Variants in N4BP2 observed in about 807,000 individuals in gnomAD.
The protein encoded by N4BP2 is NEDD4 binding protein 2, also known as NEDD4-binding protein 2.
A neutral mutation model predicts 152.8 loss-of-function variants in N4BP2; 91 were observed. The observed-to-expected ratio is 0.60, with a 90% CI of 0.50 to 0.71. N4BP2 has a LOEUF of 0.71. N4BP2 is among the 30% of genes least tolerant of loss of function. The pLI is 0.00. For missense variants in N4BP2, 1,923 were observed against 2,059.1 expected, an observed-to-expected ratio of 0.93 and a Z score of 1.28; for synonymous variants, 646 against 705.3, an observed-to-expected ratio of 0.92 and a Z score of 1.33.
At chr4:40,113,605 T>C in intron 7 of N4BP2, 97 bp downstream of exon 7, 3 of 822,518 alleles carry the variant, frequency 3.6e-6, no homozygotes, top group African/African-American at 1.7e-5. Context: ...ATGAATTGAT[T>C]AGATTGTAAC....
At chr4:40,082,262 C>T (rs1344080164) in intron 2 of N4BP2, among the ~76,000 whole-genome samples, 1 of 117,474 alleles carries the variant, frequency 8.5e-6, no homozygotes, top group Admixed American at 1.2e-4. Context: ...GGCGACAGAG[C>T]GAGACCCTGT....
chr4:40,121,224 C>A lies in N4BP2; in HGVS notation c.3113C>A (p.Ser1038Tyr), dbSNP rs375832960. 3.1e-6 allele frequency: 5 copies of A among 1,613,676 alleles called. No homozygotes were observed. In the African/African-American group the frequency reaches 6.7e-5, roughly 22 times the overall value. The change falls in exon 9 of 18, where the codon TCT becomes TAT. Residue 1038 changes from serine (S) to tyrosine (Y), a missense_variant. Ser to Tyr is a moderately radical substitution (Grantham distance 144). Coordinates refer to ENST00000261435, the MANE Select transcript of N4BP2 (RefSeq NM_018177.6). ...IEKNKISISD[S>Y]IKVLTGRLDG... ...AAGAATAAAATTAGCATTTCAGATT[C>A]TATCAAAGTATTAACAGGAAGATTA...
At chr4:40,136,923 T>C in intron 13 of N4BP2, 21 bp from the exon 14 acceptor site, 1 of 1,571,796 alleles carries the variant, frequency 6.4e-7, no homozygotes, top group East Asian at 2.3e-5. Context: ...GACATTATGT[T>C]TCTACTTAAA....
intron 2 of N4BP2, among the ~76,000 whole-genome samples, chr4:40,091,765 T>C (rs957036959): frequency 1.3e-5 from 2 of 149,658 alleles, no homozygotes; most frequent in African/African-American, 4.9e-5. Context: ...CGTACCACTA[T>C]GCTTGGCTAA....
At chr4:40,070,094 T>C (rs773440090) in intron 1 of N4BP2, among the ~76,000 whole-genome samples, 2 of 152,216 alleles carry the variant, frequency 1.3e-5, no homozygotes, top group Non-Finnish European at 2.9e-5. Flanking sequence ...AGAAAAGTAG[T>C]ATGATACATT....
At chr4:40,123,250 T>A in intron 10 of N4BP2, 38 bp downstream of exon 10, 1 of 1,389,208 alleles carries the variant, frequency 7.2e-7, no homozygotes, top group Non-Finnish European at 1.0e-6. Context: ...TCCTTTTTTG[T>A]CCATTTTGAA....
chr4:40,164,946 A>T, the N4BP2 span, among the ~76,000 whole-genome samples: 1 of 152,206 alleles, frequency 6.6e-6, no homozygotes, highest in African/African-American at 2.4e-5. Context: ...TGAGCTGTAG[A>T]GTAAGAAGAG....
Position 40,142,735 on chromosome 4 carries a change from C to G in N4BP2, c.4848C>G (p.Tyr1616Ter). Residue 1616 changes from tyrosine (Y) to a stop codon, truncating the protein, a stop_gained, in exon 15 of 18, where the codon TAC (tyrosine) becomes TAG (stop). Transcript: ENST00000261435. LOFTEE classifies it high-confidence loss of function. ...PSELSFQDFE[Y>*]PDYDDYRAEA... ...AACTGTCTTTCCAGGACTTTGAGTA[C>G]CCAGACTATGATGACTACAGAGCAG... is the stretch of plus-strand genomic sequence containing the variant. 1.2e-6 allele frequency: 2 copies of G among 1,613,746 alleles called. No homozygotes were observed. Among genetic ancestry groups the G allele is most frequent in the Non-Finnish European group, 1.7e-6 (2 of 1,179,824 alleles).
Position 40,155,411 on chromosome 4 carries a change from A to G in N4BP2, c.*1174A>G, listed in dbSNP as rs1721523236. ...GACTCCGTCTCCAAAAAAAAAAAAG[A>G]AAAAAAAGAGAAAATATTTTGGTTA... On this transcript the variant is annotated 3_prime_UTR_variant, in exon 18 of 18. Transcript: ENST00000261435. 6.6e-6 allele frequency: 1 copy of G among 151,658 alleles called. No individual in the cohort carries two copies. Among genetic ancestry groups the G allele is most frequent in the Non-Finnish European group, 1.5e-5 (1 of 67,898 alleles). 9.4% of individuals were successfully genotyped at this position (151,658 alleles called of 1,614,324 possible).
At chr4:40,165,172 AGTCAT>A in the N4BP2 span, among the ~76,000 whole-genome samples, 265 of 152,182 alleles carry the variant, frequency 1.7e-3, no homozygotes, top group African/African-American at 6.0e-3. Flanking sequence ...CTGTCCTTAG[AGTCAT>A]GTTAATAGTT....
chr4:40,103,255 A>T, intron 4 of N4BP2, 37 bp downstream of exon 4: 1 of 1,527,078 alleles, frequency 6.5e-7, no homozygotes, highest in Non-Finnish European at 8.8e-7. Context: ...AAATAGTATA[A>T]TGTCTGAATT....
intron 17 of N4BP2, among the ~76,000 whole-genome samples, chr4:40,153,962 A>G (rs534013784): frequency 2.0e-5 from 3 of 152,310 alleles, no homozygotes; most frequent in East Asian, 1.9e-4. Flanking sequence ...GACAAATCTT[A>G]AGTTATACTA....
chr4:40,185,611 G>GA, the N4BP2 span, among the ~76,000 whole-genome samples: 1 of 151,574 alleles, frequency 6.6e-6, no homozygotes, highest in Non-Finnish European at 1.5e-5. Flanking sequence ...TTATTATTTG[G>GA]AAAAAAACAT....
chr4:40,136,995 C>G lies in N4BP2; in HGVS notation c.4698C>G (p.Asp1566Glu). 1 of 1,613,374 alleles carries G rather than the reference C, an allele frequency of 6.2e-7. No individual in the cohort carries two copies. The highest frequency in any genetic ancestry group is 8.5e-7 in the Non-Finnish European group (1 of 1,179,528). The change falls in exon 14 of 18, where the codon GAC becomes GAG. Residue 1566 changes from aspartate (D) to glutamate (E), a missense_variant. Coordinates refer to ENST00000261435, the MANE Select transcript of N4BP2 (RefSeq NM_018177.6). ...VQFLNCVLEG[D>E]PVKTVVAQEF... Reference sequence around the variant, plus strand: ...TTCTTAACTGTGTTCTTGAAGGGGACCCTGTAAAAACAGTTGTAGCCCAAG... The same window carrying G: ...TTCTTAACTGTGTTCTTGAAGGGGAGCCTGTAAAAACAGTTGTAGCCCAAG...
chr4:40,172,864 CCTGGCTAAAGTAATA>C, the N4BP2 span, among the ~76,000 whole-genome samples: 3 of 152,150 alleles, frequency 2.0e-5, no homozygotes, highest in African/African-American at 7.2e-5. Context: ...TCAGCACATG[CCTGGCTAAAGTAATA>C]TTACTGTTTG....
At chr4:40,162,285 T>G (rs564926259), downstream of N4BP2, among the ~76,000 whole-genome samples, 1 of 152,218 alleles carries the variant, frequency 6.6e-6, no homozygotes, top group South Asian at 2.1e-4. Context: ...GCAGATCACT[T>G]GAGGTCAGGA....
chr4:40,133,254 T>C (rs962679950), intron 13 of N4BP2, among the ~76,000 whole-genome samples: 13 of 152,212 alleles, frequency 8.5e-5, no homozygotes, highest in African/African-American at 3.1e-4. Flanking sequence ...TTTCTCTATA[T>C]GTTTTGATTT....
intron 13 of N4BP2, among the ~76,000 whole-genome samples, chr4:40,135,769 G>A (rs970567700): frequency 6.6e-6 from 1 of 152,086 alleles, no homozygotes; most frequent in Non-Finnish European, 1.5e-5. Context: ...GTTTCACCAT[G>A]TTGGCCAGGC....
intron 2 of N4BP2, among the ~76,000 whole-genome samples, chr4:40,085,862 T>C (rs1713890852): frequency 6.6e-6 from 1 of 152,118 alleles, no homozygotes; most frequent in Non-Finnish European, 1.5e-5. Context: ...TAGTTGTTGG[T>C]ATAAAGAAAT....
Sources: gnomAD v4.1 joint callset for allele counts (sites outside exome capture counted in the v4.1 genomes callset) on GRCh38, gnomAD v4.1.1 for gene constraint, MANE v1.5 for transcripts, NCBI Gene and HGNC (gene_info 2026-07-23, HGNC 2026-07-21) for gene names.